The following HAPSTR1 variants were observed in gnomAD, a reference collection of about 807,000 sequenced individuals.
The protein encoded by HAPSTR1 is HUWE1 associated protein modifying stress responses, also known as HUWE1-associated protein modifying stress responses 1.
At chr16:9,109,586 C>T in the HAPSTR1 span, 11 of 152,336 alleles carry the variant, frequency 7.2e-5, no homozygotes, top group African/African-American at 2.6e-4. Context: ...CACATCATTT[C>T]AGACTCAAAG....
At chr16:9,113,493 T>C in the HAPSTR1 span, among the ~76,000 whole-genome samples, 1 of 152,184 alleles carries the variant, frequency 6.6e-6, no homozygotes, top group African/African-American at 2.4e-5. Context: ...ATACAGTGTT[T>C]TGAGCCTTCC....
chr16:9,120,023 A>C, the HAPSTR1 span: 82,931 of 152,044 alleles, frequency 0.55, 22,933 homozygotes, highest in Non-Finnish European at 0.59. Context: ...AGAATGATTG[A>C]GTTTTTGGCC....
chr16:9,099,404 G>T, the HAPSTR1 span, among the ~76,000 whole-genome samples: 1 of 152,110 alleles, frequency 6.6e-6, no homozygotes, highest in African/African-American at 2.4e-5. Flanking sequence ...TGTTGGCCAC[G>T]CTGATCTCGA....
chr16:9,110,109 C>T, the HAPSTR1 span: 2 of 151,284 alleles, frequency 1.3e-5, no homozygotes, highest in Non-Finnish European at 2.9e-5. Flanking sequence ...CAGATTGAGG[C>T]ACCATGTCCA....
the HAPSTR1 span, chr16:9,107,785 CTG>C: frequency 6.6e-6 from 1 of 152,294 alleles, no homozygotes; most frequent in Non-Finnish European, 1.5e-5. Context: ...CCTCCCTGAA[CTG>C]TGCATTTGCT....
the HAPSTR1 span, among the ~76,000 whole-genome samples, chr16:9,099,871 A>G: frequency 1.3e-5 from 2 of 152,190 alleles, no homozygotes; most frequent in South Asian, 4.1e-4. Context: ...TCAAGTTATG[A>G]GAAAGGTTTG....
the HAPSTR1 span, among the ~76,000 whole-genome samples, chr16:9,096,086 C>T: frequency 6.6e-6 from 1 of 152,148 alleles, no homozygotes; most frequent in Non-Finnish European, 1.5e-5. Flanking sequence ...GATCTTGGCT[C>T]TGTTACTTCT....
At chr16:9,120,560 A>T in the HAPSTR1 span, 13 of 145,342 alleles carry the variant, frequency 8.9e-5, no homozygotes, top group Non-Finnish European at 1.5e-4. Context: ...ATGGCCCCTC[A>T]TTTTTTTTTT....
chr16:9,119,838 A>C, the HAPSTR1 span: 22 of 152,204 alleles, frequency 1.4e-4, no homozygotes, highest in African/African-American at 5.3e-4. Flanking sequence ...TTAAACTCGA[A>C]TAATTGTGGC....
the HAPSTR1 span, chr16:9,116,697 G>T: frequency 6.2e-7 from 1 of 1,614,124 alleles, no homozygotes; most frequent in Non-Finnish European, 8.5e-7. Context: ...TAGTATAAGC[G>T]TGCGTTCGAG....
the HAPSTR1 span, chr16:9,110,065 A>G: frequency 6.6e-6 from 1 of 152,112 alleles, no homozygotes; most frequent in Non-Finnish European, 1.5e-5. Context: ...TAATAGAATT[A>G]TAGTAGACAG....
At chr16:9,118,435 G>A in the HAPSTR1 span, 239 of 152,712 alleles carry the variant, frequency 1.6e-3, no homozygotes, top group African/African-American at 5.6e-3. Context: ...AACCATAAAT[G>A]TTCATTCATT....
the HAPSTR1 span, among the ~76,000 whole-genome samples, chr16:9,097,325 C>T: frequency 1.9e-4 from 29 of 151,730 alleles, no homozygotes; most frequent in African/African-American, 6.8e-4. Context: ...TCACTGTAAC[C>T]TCCACCTTCC....
the HAPSTR1 span, chr16:9,119,113 A>G: frequency 6.6e-6 from 1 of 152,570 alleles, no homozygotes; most frequent in Non-Finnish European, 1.5e-5. Context: ...TTTACTTTCA[A>G]ATGCACCTAA....
the HAPSTR1 span, among the ~76,000 whole-genome samples, chr16:9,100,271 C>T: frequency 2.0e-5 from 3 of 152,168 alleles, no homozygotes; most frequent in African/African-American, 7.2e-5. Flanking sequence ...AAGTGTCTTA[C>T]ATCTAAGCCA....
the HAPSTR1 span, among the ~76,000 whole-genome samples, chr16:9,093,341 C>A: frequency 6.6e-6 from 1 of 152,174 alleles, no homozygotes; most frequent in African/African-American, 2.4e-5. Flanking sequence ...TATCATGCCC[C>A]TAAAGTCAGT....
the HAPSTR1 span, among the ~76,000 whole-genome samples, chr16:9,097,465 G>C: frequency 6.6e-6 from 1 of 152,008 alleles, no homozygotes; most frequent in African/African-American, 2.4e-5. Context: ...CTGGTCTCCT[G>C]AGCTCAGGCG....
At chr16:9,106,802 TATAAA>T in the HAPSTR1 span, 62 of 152,166 alleles carry the variant, frequency 4.1e-4, no homozygotes, top group Admixed American at 2.0e-4. Context: ...ATAATAATGT[TATAAA>T]ATAACATTAT....
At chr16:9,101,742 A>AT in the HAPSTR1 span, among the ~76,000 whole-genome samples, 150 of 140,226 alleles carry the variant, frequency 1.1e-3, no homozygotes, top group Non-Finnish European at 1.2e-3. Context: ...TGTCTGGATG[A>AT]TTTTTTTTTT....
Sources: allele counts gnomAD v4.1 joint callset (sites outside exome capture counted in the v4.1 genomes callset), GRCh38; gene constraint gnomAD v4.1.1; transcripts MANE v1.5; gene names NCBI Gene and HGNC (gene_info 2026-07-23, HGNC 2026-07-21).